WWOX: variants seen among roughly 807,000 people sequenced by gnomAD.
WWOX encodes WW domain-containing oxidoreductase.
A neutral mutation model predicts 46.2 loss-of-function variants in WWOX; 69 were observed. The ratio of observed to expected loss-of-function variants is 1.49; its 90% CI spans 1.23 to 1.82. WWOX has a LOEUF of 1.82. WWOX is among the 40% of genes most tolerant of loss of function. The pLI, the probability that WWOX is intolerant of heterozygous loss-of-function variation, is 0.00. For synonymous variants in WWOX, 359 were observed against 202.6 expected, an observed-to-expected ratio of 1.77 and a Z score of -6.56; for missense variants, 919 against 542.6, an observed-to-expected ratio of 1.69 and a Z score of -6.89.
At chr16:78,471,565 T>G (rs142133149) in intron 8 of WWOX, among the ~76,000 whole-genome samples, 1 of 152,332 alleles carries the variant, frequency 6.6e-6, no homozygotes, top group African/African-American at 2.4e-5. Flanking sequence ...CCATGAAATC[T>G]CTGCAGCGAT....
intron 8 of WWOX, among the ~76,000 whole-genome samples, chr16:78,474,300 T>A (rs2084304276): frequency 6.6e-6 from 1 of 152,190 alleles, no homozygotes; most frequent in Non-Finnish European, 1.5e-5. Flanking sequence ...GCCTTAGGAA[T>A]CCCCTGCTTA....
chr16:78,974,509 G>T (rs549505771), intron 8 of WWOX, among the ~76,000 whole-genome samples: 50 of 152,168 alleles, frequency 3.3e-4, no homozygotes, highest in African/African-American at 1.2e-3. Flanking sequence ...TGATGAATCC[G>T]TCTCTGTTAA....
At chr16:78,620,749 T>C (rs1465289660) in intron 8 of WWOX, among the ~76,000 whole-genome samples, 1 of 152,152 alleles carries the variant, frequency 6.6e-6, no homozygotes, top group Non-Finnish European at 1.5e-5. Flanking sequence ...TGCATAGAAA[T>C]AATCTTTAGT....
chr16:78,889,051 C>G (rs1020394978), intron 8 of WWOX, among the ~76,000 whole-genome samples: 1 of 152,048 alleles, frequency 6.6e-6, no homozygotes, highest in African/African-American at 2.4e-5. Flanking sequence ...GACTTCTTCC[C>G]TTTTACAAGA....
intron 8 of WWOX, among the ~76,000 whole-genome samples, chr16:78,817,905 G>A (rs1260139751): frequency 6.6e-6 from 1 of 152,188 alleles, no homozygotes; most frequent in African/African-American, 2.4e-5. Context: ...ATCTCATTGG[G>A]CTTTCCAGGA....
intron 5 of WWOX, among the ~76,000 whole-genome samples, chr16:78,348,107 T>A (rs1251503923): frequency 8.2e-6 from 1 of 122,558 alleles, no homozygotes; most frequent in Admixed American, 7.9e-5. Context: ...GTTCTTTTAT[T>A]ATTGCTCCCT....
chr16:78,402,119 A>T (rs556765201), intron 6 of WWOX, among the ~76,000 whole-genome samples: 73 of 152,330 alleles, frequency 4.8e-4, no homozygotes, highest in Admixed American at 2.0e-3. Flanking sequence ...ATCTCATAAC[A>T]ATTAGCAGTT....
At chr16:78,362,237 G>A (rs1209000296) in intron 5 of WWOX, among the ~76,000 whole-genome samples, 1 of 152,036 alleles carries the variant, frequency 6.6e-6, no homozygotes, top group Non-Finnish European at 1.5e-5. Context: ...TATCAGATGT[G>A]TGCCTTGTCC....
chr16:78,478,917 T>G (rs558339260), intron 8 of WWOX, among the ~76,000 whole-genome samples: 1 of 152,218 alleles, frequency 6.6e-6, no homozygotes, highest in African/African-American at 2.4e-5. Context: ...AGTATTTAAT[T>G]TGGTTTTGAT....
chr16:78,993,865 G>A lies in WWOX; in HGVS notation c.1057-217743G>A, dbSNP rs555466066. Among the ~76,000 whole-genome samples, 8 of 152,288 alleles carry A rather than the reference G, an allele frequency of 5.3e-5. No homozygotes were observed. The South Asian group carries it at 1.2e-3, about 24-fold the overall frequency. ...TTCTCCACGGCGGAGCCCGCTGGTC[G>A]GTCACTCCTGTTCCTTTCGTGTCCG... On this transcript the variant is annotated intron_variant, in intron 8 of 8. Coordinates refer to ENST00000566780, the MANE Select transcript of WWOX (RefSeq NM_016373.4).
chr16:78,784,264 G>C (rs1428469568), intron 8 of WWOX, among the ~76,000 whole-genome samples: 3 of 152,050 alleles, frequency 2.0e-5, no homozygotes, highest in African/African-American at 7.2e-5. Flanking sequence ...GCTTAGAAGG[G>C]ATAAGCTCAA....
intron 8 of WWOX, among the ~76,000 whole-genome samples, chr16:79,210,929 C>G (rs78099337): frequency 1.3e-5 from 2 of 152,010 alleles, no homozygotes; most frequent in South Asian, 4.2e-4. Context: ...ACCTGTGGTC[C>G]CATTGTAAAT....
intron 8 of WWOX, among the ~76,000 whole-genome samples, chr16:78,813,458 A>G (rs542337005): frequency 1.1e-4 from 16 of 152,282 alleles, no homozygotes; most frequent in Middle Eastern, 3.4e-3. Flanking sequence ...GTCCAAGATC[A>G]TCTATTCTAA....
chr16:78,103,985 C>T (rs936858625), intron 1 of WWOX, among the ~76,000 whole-genome samples: 4 of 152,116 alleles, frequency 2.6e-5, no homozygotes, highest in Non-Finnish European at 5.9e-5. Flanking sequence ...GACCGGGAAC[C>T]CAAGAGAGCT....
intron 5 of WWOX, among the ~76,000 whole-genome samples, chr16:78,290,174 C>T (rs960785608): frequency 5.9e-5 from 9 of 151,994 alleles, no homozygotes; most frequent in African/African-American, 9.7e-5. Flanking sequence ...AAGTGTAATC[C>T]GAGGCCTTGG....
intron 8 of WWOX, among the ~76,000 whole-genome samples, chr16:78,479,897 C>G (rs538795292): frequency 6.6e-6 from 1 of 152,318 alleles, no homozygotes; most frequent in Non-Finnish European, 1.5e-5. Flanking sequence ...TCACTGCCCC[C>G]TCCTGGGAAG....
At chr16:78,836,359 G>T (rs894725635) in intron 8 of WWOX, among the ~76,000 whole-genome samples, 1 of 152,110 alleles carries the variant, frequency 6.6e-6, no homozygotes, top group African/African-American at 2.4e-5. Context: ...CCCCAGCAGA[G>T]ATAGGAGGCC....
chr16:78,959,619 G>A (rs1397162427), intron 8 of WWOX, among the ~76,000 whole-genome samples: 1 of 152,090 alleles, frequency 6.6e-6, no homozygotes, highest in Non-Finnish European at 1.5e-5. Context: ...AGTGTGATAG[G>A]AAGGCCAGTG....
intron 8 of WWOX, among the ~76,000 whole-genome samples, chr16:79,000,181 C>T (rs758303630): frequency 2.6e-5 from 4 of 152,158 alleles, no homozygotes; most frequent in African/African-American, 4.8e-5. Context: ...CACTGGGCTC[C>T]GAAGCTGCGT....
Sources: gnomAD v4.1 joint callset for allele counts (sites outside exome capture counted in the v4.1 genomes callset) on GRCh38, gnomAD v4.1.1 for gene constraint, MANE v1.5 for transcripts, NCBI Gene and HGNC (gene_info 2026-07-23, HGNC 2026-07-21) for gene names.